The following EPHA6 variants were observed in gnomAD, a reference collection of about 807,000 sequenced individuals.
EPHA6 encodes ephrin type-A receptor 6.
In EPHA6, 50 loss-of-function variants were observed where a neutral mutation model predicts 112.0. That is an observed-to-expected ratio of 0.45 (90% CI 0.36 to 0.56). EPHA6 has a LOEUF of 0.56. Ranked by LOEUF, EPHA6 falls within the 20% of genes least tolerant of loss-of-function variation. The pLI is 0.00. For synonymous variants in EPHA6, 529 were observed against 490.7 expected (o/e 1.08, Z -1.03); for missense variants, 1,280 against 1,417.4 (o/e 0.90, Z 1.56).
intron 5 of EPHA6, among the ~76,000 whole-genome samples, chr3:97,300,448 A>C (rs2081047906): frequency 6.6e-6 from 1 of 152,160 alleles, no homozygotes; most frequent in Non-Finnish European, 1.5e-5. Flanking sequence ...AGTCACTCAA[A>C]GTGCACCCAC....
At chr3:97,019,794 T>C (rs889111408) in intron 3 of EPHA6, among the ~76,000 whole-genome samples, 1 of 152,170 alleles carries the variant, frequency 6.6e-6, no homozygotes, top group African/African-American at 2.4e-5. Context: ...GTGTATATTA[T>C]GTATATATAA....
At chr3:97,565,291 A>G (rs1325181478) in intron 11 of EPHA6, among the ~76,000 whole-genome samples, 1 of 152,172 alleles carries the variant, frequency 6.6e-6, no homozygotes, top group Non-Finnish European at 1.5e-5. Flanking sequence ...ATGCATTTGT[A>G]GTAATAACAG....
At chr3:96,977,744 A>C (rs1420616746) in intron 2 of EPHA6, among the ~76,000 whole-genome samples, 1 of 152,188 alleles carries the variant, frequency 6.6e-6, no homozygotes, top group Admixed American at 6.5e-5. Context: ...TTAACTACTA[A>C]TAGCCTACTG....
At chr3:97,514,840 G>A (rs974073454) in intron 10 of EPHA6, among the ~76,000 whole-genome samples, 1 of 152,150 alleles carries the variant, frequency 6.6e-6, no homozygotes, top group Admixed American at 6.5e-5. Context: ...TACCAGCCGG[G>A]AAGAGAGCTC....
At chr3:97,307,170 C>T (rs1576904597) in intron 5 of EPHA6, among the ~76,000 whole-genome samples, 1 of 151,730 alleles carries the variant, frequency 6.6e-6, no homozygotes, top group South Asian at 2.1e-4. Flanking sequence ...CCTATGGCTT[C>T]TGCACATCTT....
At chr3:97,676,876 G>T (rs528807071) in intron 14 of EPHA6, among the ~76,000 whole-genome samples, 1 of 152,230 alleles carries the variant, frequency 6.6e-6, no homozygotes, top group African/African-American at 2.4e-5. Flanking sequence ...GGATGAAGAA[G>T]GAGAGGTTTG....
chr3:97,737,083 C>T (rs1027159988), intron 16 of EPHA6, among the ~76,000 whole-genome samples: 1 of 151,982 alleles, frequency 6.6e-6, no homozygotes, highest in South Asian at 2.1e-4. Context: ...TAATTGGCAG[C>T]CTCAATAAAG....
intron 3 of EPHA6, among the ~76,000 whole-genome samples, chr3:97,044,068 G>C (rs2045419301): frequency 6.6e-6 from 1 of 152,190 alleles, no homozygotes; most frequent in Admixed American, 6.5e-5. Context: ...ACAGTCAGTA[G>C]AGTTTTATCC....
chr3:97,116,549 AT>A (rs764679562), intron 3 of EPHA6, among the ~76,000 whole-genome samples: 7 of 151,840 alleles, frequency 4.6e-5, no homozygotes, highest in Non-Finnish European at 7.4e-5. Context: ...GCTTCTATGC[AT>A]TTAAAAAATA....
rs181735607 is a variant in EPHA6, at chr3:97,009,263, G to A, written c.1114+21270G>A. On this transcript the variant is annotated intron_variant, in intron 3 of 17. Transcript: ENST00000389672. ...CCGTTGGCCACTCCTTCCCCTAGGG[G>A]CTAAGGCCCAGGGAGATCCAAATTC... Among the ~76,000 whole-genome samples, 5 of 152,278 alleles carry A rather than the reference G, an allele frequency of 3.3e-5. No homozygotes were observed. The East Asian group carries it at 9.7e-4, about 30-fold the overall frequency.
chr3:97,197,687 A>C (rs763131077), intron 3 of EPHA6, among the ~76,000 whole-genome samples: 8 of 151,868 alleles, frequency 5.3e-5, no homozygotes, highest in Non-Finnish European at 8.8e-5. Flanking sequence ...CTTGTGTCTC[A>C]CTAGGTCACA....
chr3:97,398,271 A>C (rs1298373201), intron 5 of EPHA6, among the ~76,000 whole-genome samples: 1 of 151,478 alleles, frequency 6.6e-6, no homozygotes, highest in East Asian at 1.9e-4. Flanking sequence ...GATTGTATAT[A>C]TGAAAATGAC....
intron 10 of EPHA6, among the ~76,000 whole-genome samples, chr3:97,491,759 A>T (rs190679945): frequency 2.9e-4 from 44 of 152,034 alleles, no homozygotes; most frequent in African/African-American, 1.0e-3. Flanking sequence ...CCCTAAGGAC[A>T]CATAATGTCG....
intron 2 of EPHA6, among the ~76,000 whole-genome samples, chr3:96,978,099 G>T (rs370667083): frequency 6.6e-6 from 1 of 152,180 alleles, no homozygotes; most frequent in East Asian, 1.9e-4. Context: ...CATGGAGGTT[G>T]CAGTGACCAA....
In EPHA6 at chr3:97,174,748, GT is replaced by G. The variant is rs561142468; in HGVS notation, c.1115-51509del. On this transcript the variant is annotated intron_variant, in intron 3 of 17. Coordinates refer to ENST00000389672, the MANE Select transcript of EPHA6 (RefSeq NM_001080448.3). ...CCCATGTGTTGATCAGATTATTATA[GT>G]TTTTTTCCCATAGAGTTGTTTAAGC... Among the ~76,000 whole-genome samples, 333 of 151,810 alleles carry G rather than the reference GT, an allele frequency of 2.2e-3. 1 individual carries two copies. Among genetic ancestry groups the G allele is most frequent in the Non-Finnish European group, 3.6e-3 (246 of 67,702 alleles).
chr3:96,907,011 AAGT>A (rs1417543345), intron 2 of EPHA6, among the ~76,000 whole-genome samples: 1 of 151,972 alleles, frequency 6.6e-6, no homozygotes, highest in Non-Finnish European at 1.5e-5. Context: ...TAATGGACAA[AAGT>A]AGAGCCCCTA....
intron 3 of EPHA6, among the ~76,000 whole-genome samples, chr3:97,163,678 G>A (rs1471695133): frequency 1.3e-5 from 2 of 152,118 alleles, no homozygotes; most frequent in East Asian, 1.9e-4. Flanking sequence ...AGTCTCCACA[G>A]GCAGTGTAAG....
chr3:97,650,782 G>C (rs996179499), intron 14 of EPHA6, among the ~76,000 whole-genome samples: 4 of 151,090 alleles, frequency 2.6e-5, no homozygotes, highest in African/African-American at 7.3e-5. Context: ...GCTTGAACCT[G>C]GGAGGCAGAG....
chr3:97,646,000 G>C (rs1387161042), intron 14 of EPHA6: 1 of 683,644 alleles, frequency 1.5e-6, no homozygotes, highest in South Asian at 3.5e-5. Context: ...TTGGGGAGAG[G>C]TTTGTAATCT....
Sources: gnomAD v4.1 joint callset for allele counts (sites outside exome capture counted in the v4.1 genomes callset) on GRCh38, gnomAD v4.1.1 for gene constraint, MANE v1.5 for transcripts, NCBI Gene and HGNC (gene_info 2026-07-23, HGNC 2026-07-21) for gene names.